SCFD1: variants seen among roughly 807,000 people sequenced by gnomAD.
SCFD1 encodes sec1 family domain-containing protein 1.
Under a neutral mutation model 103.2 loss-of-function variants are expected in SCFD1, and 37 were observed. That is an observed-to-expected ratio of 0.36 (90% CI 0.28 to 0.47). SCFD1 has a LOEUF of 0.47. Among genes scored for constraint, SCFD1 ranks in the 20% least tolerant of loss-of-function variants. The pLI, the probability that SCFD1 is intolerant of heterozygous loss-of-function variation, is 1.00. For missense variants in SCFD1, 639 were observed against 761.2 expected, an observed-to-expected ratio of 0.84 and a Z score of 1.89; for synonymous variants, 264 against 245.0, an observed-to-expected ratio of 1.08 and a Z score of -0.73.
At chr14:30,718,431 A>C (rs950621277) in intron 20 of SCFD1, among the ~76,000 whole-genome samples, 1 of 152,168 alleles carries the variant, frequency 6.6e-6, no homozygotes, top group Non-Finnish European at 1.5e-5. Flanking sequence ...GCAGACGGAT[A>C]TTTTTTTACT....
chr14:30,635,601 T>C (rs1884641466), intron 4 of SCFD1, among the ~76,000 whole-genome samples: 1 of 152,170 alleles, frequency 6.6e-6, no homozygotes, highest in African/African-American at 2.4e-5. Flanking sequence ...TTATTCCTTT[T>C]CGTGGCTGAA....
intron 4 of SCFD1, among the ~76,000 whole-genome samples, chr14:30,637,785 T>A (rs945492835): frequency 1.3e-5 from 2 of 152,176 alleles, no homozygotes; most frequent in Admixed American, 1.3e-4. Flanking sequence ...TTGAAGATCG[T>A]GTCTGCCAAA....
chr14:30,650,718 T>G, intron 9 of SCFD1, 68 bp downstream of exon 9: 2 of 918,512 alleles, frequency 2.2e-6, no homozygotes, highest in Non-Finnish European at 3.4e-6. Context: ...TTACTTTTCT[T>G]GGCTGATAGA....
At chr14:30,694,651 T>C (rs1333761281) in intron 14 of SCFD1, 122 bp from the exon 15 acceptor site, 8 of 1,330,966 alleles carry the variant, frequency 6.0e-6, no homozygotes, top group Non-Finnish European at 7.8e-6. Context: ...ACTGTACTTT[T>C]GACCTGTCTG....
upstream of SCFD1, chr14:30,622,275 T>C: frequency 6.3e-7 from 1 of 1,583,454 alleles, no homozygotes; most frequent in Non-Finnish European, 8.6e-7. Flanking sequence ...TCCGGGGCGG[T>C]AAGGGCAGCC....
intron 11 of SCFD1, 132 bp downstream of exon 11, chr14:30,670,527 A>G (rs1888437354): frequency 3.6e-6 from 2 of 552,120 alleles, no homozygotes; most frequent in Non-Finnish European, 6.3e-6. Context: ...CTGTAATTAG[A>G]TAGTCTGTAG....
intron 10 of SCFD1, among the ~76,000 whole-genome samples, chr14:30,654,519 C>A (rs1290256101): frequency 1.3e-5 from 2 of 152,068 alleles, no homozygotes; most frequent in African/African-American, 4.8e-5. Context: ...ATTGAAAATA[C>A]AAAAATTAGC....
At chr14:30,638,274 A>G in intron 5 of SCFD1, 27 bp downstream of exon 5, 1 of 1,612,342 alleles carries the variant, frequency 6.2e-7, no homozygotes, top group South Asian at 1.1e-5. Context: ...GGTTGATGAC[A>G]TTTTGTCAAT....
chr14:30,644,143 C>T (rs1885571090), intron 7 of SCFD1: 2 of 337,858 alleles, frequency 5.9e-6, no homozygotes, highest in Admixed American at 7.7e-5. Context: ...TAATGACCTC[C>T]AGCTATATCT....
At chr14:30,713,221 A>G (rs1164814281) in intron 19 of SCFD1, among the ~76,000 whole-genome samples, 1 of 152,180 alleles carries the variant, frequency 6.6e-6, no homozygotes, top group African/African-American at 2.4e-5. Flanking sequence ...ACTCTTTCCT[A>G]CGTTTTAAAG....
intron 19 of SCFD1, among the ~76,000 whole-genome samples, chr14:30,712,660 C>T (rs992032199): frequency 2.6e-5 from 4 of 152,114 alleles, no homozygotes; most frequent in African/African-American, 9.7e-5. Context: ...ATAGATTTCT[C>T]ACTATATTTT....
At chr14:30,719,607 G>GT (rs1466722783) in intron 21 of SCFD1, among the ~76,000 whole-genome samples, 3 of 152,066 alleles carry the variant, frequency 2.0e-5, no homozygotes, top group African/African-American at 7.2e-5. Context: ...GACGTTTACT[G>GT]GTGTTTTTAT....
chr14:30,709,923 G>T (rs1478251950), intron 19 of SCFD1, among the ~76,000 whole-genome samples: 1 of 152,158 alleles, frequency 6.6e-6, no homozygotes, highest in Non-Finnish European at 1.5e-5. Context: ...ACTGTTAGAA[G>T]TAAATCCCAA....
At chr14:30,683,125 TG>T (rs1889624936) in intron 14 of SCFD1, 1 of 1,209,324 alleles carries the variant, frequency 8.3e-7, no homozygotes, top group Admixed American at 1.8e-5. Flanking sequence ...TTCCAGGGTT[TG>T]GCAGCATGTG....
chr14:30,732,262 A>G (rs1180491865), intron 23 of SCFD1, among the ~76,000 whole-genome samples: 1 of 152,150 alleles, frequency 6.6e-6, no homozygotes, highest in Non-Finnish European at 1.5e-5. Context: ...ATTAATAGAG[A>G]TAGTTTTGCT....
intron 15 of SCFD1, among the ~76,000 whole-genome samples, chr14:30,695,246 G>A (rs1292072198): frequency 6.6e-6 from 1 of 152,156 alleles, no homozygotes; most frequent in Admixed American, 6.5e-5. Context: ...CTGAAAAGAT[G>A]TATCTAAAAC....
At chr14:30,684,241 G>A (rs773524131) in intron 14 of SCFD1, among the ~76,000 whole-genome samples, 1 of 152,152 alleles carries the variant, frequency 6.6e-6, no homozygotes, top group South Asian at 2.1e-4. Context: ...GAACTCCTGG[G>A]CTCAAGTGAT....
intron 23 of SCFD1, chr14:30,722,842 C>CA (rs56169449): frequency 0.12 from 21,094 of 179,792 alleles, 594 homozygotes; most frequent in African/African-American, 0.17. Flanking sequence ...GACCTCTTCC[C>CA]AAAAAAAAAA....
intron 10 of SCFD1, among the ~76,000 whole-genome samples, chr14:30,654,817 T>C (rs1886745877): frequency 6.6e-6 from 1 of 152,352 alleles, no homozygotes; most frequent in Admixed American, 6.5e-5. Context: ...TTCTATGCCA[T>C]GACTCTAGGA....
Sources: gnomAD v4.1 joint callset for allele counts (sites outside exome capture counted in the v4.1 genomes callset) on GRCh38, gnomAD v4.1.1 for gene constraint, MANE v1.5 for transcripts, NCBI Gene and HGNC (gene_info 2026-07-23, HGNC 2026-07-21) for gene names.